NPIPA5: variants seen among roughly 807,000 people sequenced by gnomAD.
NPIPA5 encodes nuclear pore complex-interacting protein family member A5.
In NPIPA5, 6 loss-of-function variants were observed where a neutral mutation model predicts 21.4. The ratio of observed to expected loss-of-function variants is 0.28; its 90% confidence interval spans 0.15 to 0.55. The LOEUF (loss-of-function observed/expected upper bound fraction) is 0.55. Among genes scored for constraint, NPIPA5 ranks in the 20% least tolerant of loss-of-function variants. The pLI is 0.93. For synonymous variants in NPIPA5, 33 were observed against 115.3 expected, an observed-to-expected ratio of 0.29 and a Z score of 4.57; for missense variants, 99 against 318.2, an observed-to-expected ratio of 0.31 and a Z score of 5.24.
At chr16:15,377,940 ACTCT>A (rs1372205907) in intron 1 of NPIPA5, among the ~76,000 whole-genome samples, 4 of 147,536 alleles carry the variant, frequency 2.7e-5, no homozygotes, top group Non-Finnish European at 6.0e-5. Flanking sequence ...GGGGCTTTAG[ACTCT>A]CTCTCCACCA....
intron 1 of NPIPA5, among the ~76,000 whole-genome samples, chr16:15,375,958 G>A (rs1454910940): frequency 6.7e-6 from 1 of 149,890 alleles, no homozygotes; most frequent in Non-Finnish European, 1.5e-5. Flanking sequence ...AATTTTAAAT[G>A]TTTCTTTCAA....
At chr16:15,376,033 G>A (rs1049844497) in intron 1 of NPIPA5, among the ~76,000 whole-genome samples, 2 of 151,740 alleles carry the variant, frequency 1.3e-5, no homozygotes, top group African/African-American at 4.8e-5. Flanking sequence ...AGTCTGAAAT[G>A]GAAATGATGG....
upstream of NPIPA5, among the ~76,000 whole-genome samples, chr16:15,379,417 A>C (rs1361636477): frequency 6.6e-6 from 1 of 151,282 alleles, no homozygotes; most frequent in Non-Finnish European, 1.5e-5. Context: ...AAATACAAAA[A>C]TTAGCCGGGT....
chr16:15,370,867 T>A lies in NPIPA5; in HGVS notation c.193-748A>T, dbSNP rs1045664081. On this transcript the variant is annotated intron_variant, in intron 2 of 7. Transcript: ENST00000360151. ...ATGGAGACCATCCTGGGCAACATGG[T>A]GAAACCCCGTCTCTACTAAAAATAC... Among the ~76,000 whole-genome samples the A allele has an allele frequency of 1.0e-4, 15 of 146,084 alleles. 1 individual carries two copies. Among genetic ancestry groups the A allele is most frequent in the African/African-American group, 3.7e-4 (15 of 40,130 alleles).
At chr16:15,372,332 CA>C (rs1330818201) in intron 2 of NPIPA5, among the ~76,000 whole-genome samples, 3 of 147,992 alleles carry the variant, frequency 2.0e-5, no homozygotes, top group Non-Finnish European at 4.5e-5. Context: ...TAAAAATACA[CA>C]AATTAGCTGG....
chr16:15,368,378 C>T (rs2050038613), intron 4 of NPIPA5, among the ~76,000 whole-genome samples: 1 of 152,036 alleles, frequency 6.6e-6, no homozygotes, highest in South Asian at 2.1e-4. Flanking sequence ...TGACCATCCC[C>T]CAGAAGTAGA....
At chr16:15,377,656 G>T (rs1165842638) in intron 1 of NPIPA5, among the ~76,000 whole-genome samples, 3 of 100,476 alleles carry the variant, frequency 3.0e-5, no homozygotes, top group African/African-American at 1.1e-4. Context: ...AGGGGAAGGG[G>T]AAGGGGAGGG....
intron 4 of NPIPA5, among the ~76,000 whole-genome samples, chr16:15,367,407 C>T (rs913948673): frequency 3.9e-5 from 6 of 152,062 alleles, no homozygotes; most frequent in African/African-American, 1.5e-4. Flanking sequence ...GGGAATGGCT[C>T]CTAAGTCAGG....
chr16:15,372,485 G>C lies in NPIPA5; in HGVS notation c.192+1230C>G, dbSNP rs1004864202. On this transcript the variant is annotated intron_variant, in intron 2 of 7. Coordinates refer to ENST00000360151, the MANE Select transcript of NPIPA5 (RefSeq NM_001277325.2). ...GGGCAACAGAGGGAGACTCCTCTTGGGGGTGAGAAAAGAAAAAAAAAAAAA... is the reference window on the plus strand; with the variant it reads ...GGGCAACAGAGGGAGACTCCTCTTGCGGGTGAGAAAAGAAAAAAAAAAAAA... 2.2e-3 allele frequency among the ~76,000 whole-genome samples: 315 copies of C among 145,824 alleles called. 11 individuals are homozygous for C. The highest frequency in any genetic ancestry group is 3.9e-3 in the Non-Finnish European group (261 of 66,622).
rs961265159 is a variant in NPIPA5 at position 15,376,526 on chromosome 16, C to CAAAT, written c.63+1702_63+1705dup. On this transcript the variant is annotated intron_variant, in intron 1 of 7. Coordinates refer to ENST00000360151, the MANE Select transcript of NPIPA5 (RefSeq NM_001277325.2). ...CTCAGCAACAAGGGAGAAACTGTCTCAAATAAATAAATAAATAAATAAAAT... is the reference window on the plus strand; with the variant it reads ...CTCAGCAACAAGGGAGAAACTGTCTCAAATAAATAAATAAATAAATAAATAAAAT... 1.1e-3 allele frequency among the ~76,000 whole-genome samples: 164 copies of CAAAT among 147,994 alleles called. 1 individual carries two copies. The highest frequency in any genetic ancestry group is 3.6e-3 in the African/African-American group (143 of 40,196).
chr16:15,378,051 T>C (rs1236283310), intron 1 of NPIPA5, among the ~76,000 whole-genome samples, 181 bp downstream of exon 1: 1 of 144,468 alleles, frequency 6.9e-6, no homozygotes, highest in Admixed American at 6.9e-5. Context: ...CCCACGCTCC[T>C]CCCAAGGCCA....
At chr16:15,379,155 C>T (rs1195683149), upstream of NPIPA5, among the ~76,000 whole-genome samples, 1 of 152,192 alleles carries the variant, frequency 6.6e-6, no homozygotes, top group Non-Finnish European at 1.5e-5. Context: ...GCTTTAAATC[C>T]CTTTACCATT....
intron 1 of NPIPA5, among the ~76,000 whole-genome samples, chr16:15,377,001 A>C (rs1331908002): frequency 1.3e-5 from 2 of 152,034 alleles, no homozygotes; most frequent in East Asian, 3.9e-4. Flanking sequence ...AAAGTCATCA[A>C]ACCAGATGAC....
At chr16:15,377,517 C>T (rs1237962453) in intron 1 of NPIPA5, among the ~76,000 whole-genome samples, 1 of 143,364 alleles carries the variant, frequency 7.0e-6, no homozygotes, top group East Asian at 2.1e-4. Context: ...CCACCGCACC[C>T]GCATGTCCTG....
Position 15,370,518 on chromosome 16 carries a change from G to A in NPIPA5, c.193-399C>T, listed in dbSNP as rs187086823. Among the ~76,000 whole-genome samples, 130 of 147,042 alleles carry A rather than the reference G, an allele frequency of 8.8e-4. 8 individuals carry two copies. The highest frequency in any genetic ancestry group is 2.7e-3 in the African/African-American group (109 of 40,558). On this transcript the variant is annotated intron_variant, in intron 2 of 7. Transcript: ENST00000360151. The stretch of plus-strand genomic sequence containing the variant: ...TGTAATCCCAGTACTTTGGGAGGCC[G>A]AGGCAGGCGGAACACCTGAGGTCGG...
At chr16:15,371,178 T>G (rs1475663088) in intron 2 of NPIPA5, among the ~76,000 whole-genome samples, 27 of 144,908 alleles carry the variant, frequency 1.9e-4, no homozygotes, top group South Asian at 4.6e-4. Context: ...GAAAAGGAAG[T>G]AATTAATTAC....
At chr16:15,375,310 T>C (rs1036679408) in intron 1 of NPIPA5, among the ~76,000 whole-genome samples, 1 of 144,576 alleles carries the variant, frequency 6.9e-6, no homozygotes, top group African/African-American at 2.5e-5. Context: ...TATCACATGG[T>C]AAAAGAATCC....
chr16:15,380,027 CA>C (rs905964516), upstream of NPIPA5, among the ~76,000 whole-genome samples: 1 of 150,930 alleles, frequency 6.6e-6, no homozygotes, highest in Admixed American at 6.6e-5. Context: ...CTATAAATCT[CA>C]AAAATAAAAG....
intron 4 of NPIPA5, among the ~76,000 whole-genome samples, chr16:15,367,435 T>C (rs905219719): frequency 6.6e-6 from 1 of 151,970 alleles, no homozygotes; most frequent in Admixed American, 6.6e-5. Context: ...GTCCTGAAAA[T>C]AGGTGACAAC....
Sources: gnomAD v4.1 joint callset for allele counts (sites outside exome capture counted in the v4.1 genomes callset) on GRCh38, gnomAD v4.1.1 for gene constraint, MANE v1.5 for transcripts, NCBI Gene and HGNC (gene_info 2026-07-23, HGNC 2026-07-21) for gene names.